Variants in NPAS3 observed in about 807,000 individuals in gnomAD.
The protein encoded by NPAS3 is neuronal PAS domain protein 3, also known as neuronal PAS domain-containing protein 3.
NPAS3 carries 14 observed loss-of-function variants against 73.1 expected under a neutral mutation model. That is an observed-to-expected ratio of 0.19 (90% CI 0.13 to 0.30). NPAS3 has a LOEUF of 0.30. Ranked by LOEUF, NPAS3 falls within the 10% of genes least tolerant of loss-of-function variation. The probability of loss-of-function intolerance (pLI) is 1.00; values close to 1 mark genes in which losing one functional copy is unlikely to be tolerated. For missense variants in NPAS3, 1,096 were observed against 1,250.0 expected, an observed-to-expected ratio of 0.88 and a Z score of 1.86; for synonymous variants, 620 against 541.5, an observed-to-expected ratio of 1.14 and a Z score of -2.01.
intron 4 of NPAS3, among the ~76,000 whole-genome samples, chr14:33,495,226 A>G (rs1419176321): frequency 1.3e-5 from 2 of 151,934 alleles, no homozygotes; most frequent in Non-Finnish European, 2.9e-5. Flanking sequence ...CCTTAATTTC[A>G]TTATTTACCC....
chr14:33,062,332 GTGTT>G (rs2041137190), intron 2 of NPAS3, among the ~76,000 whole-genome samples: 1 of 151,824 alleles, frequency 6.6e-6, no homozygotes, highest in South Asian at 2.1e-4. Context: ...TGAAATTGTG[GTGTT>G]TGTTAGTTTA....
chr14:33,131,057 A>G (rs1236830284), intron 2 of NPAS3, among the ~76,000 whole-genome samples: 1 of 152,168 alleles, frequency 6.6e-6, no homozygotes, highest in African/African-American at 2.4e-5. Flanking sequence ...ATCTGGCCCA[A>G]GTACCTCTTA....
intron 4 of NPAS3, among the ~76,000 whole-genome samples, chr14:33,426,924 A>G (rs534360626): frequency 6.6e-6 from 1 of 152,244 alleles, no homozygotes; most frequent in East Asian, 1.9e-4. Flanking sequence ...ATGCAGGAAA[A>G]TAAGCCAGAG....
chr14:33,774,417 C>T (rs369997049), exon 8 of NPAS3: 27 of 1,614,040 alleles, frequency 1.7e-5, no homozygotes, highest in Admixed American at 8.3e-5. Context: ...TCATGGGTCT[C>T]GTGGTTGTTG....
At chr14:33,049,362 A>T (rs1201204572) in intron 1 of NPAS3, among the ~76,000 whole-genome samples, 1 of 152,188 alleles carries the variant, frequency 6.6e-6, no homozygotes, top group Non-Finnish European at 1.5e-5. Context: ...CATGCTGCTG[A>T]TAAAGACATA....
At chr14:33,041,772 C>G (rs1194287330) in intron 1 of NPAS3, among the ~76,000 whole-genome samples, 1 of 152,038 alleles carries the variant, frequency 6.6e-6, no homozygotes, top group East Asian at 1.9e-4. Context: ...GTTTATATAG[C>G]AGGGAGGAAA....
chr14:33,011,051 C>T (rs561701546), intron 1 of NPAS3, among the ~76,000 whole-genome samples: 1 of 151,620 alleles, frequency 6.6e-6, no homozygotes, highest in African/African-American at 2.4e-5. Context: ...TGAGTAATGG[C>T]AGTTACTGTG....
intron 3 of NPAS3, among the ~76,000 whole-genome samples, chr14:33,343,177 G>A (rs935522231): frequency 1.3e-5 from 2 of 152,086 alleles, no homozygotes; most frequent in Non-Finnish European, 2.9e-5. Flanking sequence ...ACATCCCTAG[G>A]ATGTGTTTTG....
chr14:33,755,585 G>A (rs369951290), intron 7 of NPAS3, among the ~76,000 whole-genome samples: 9 of 152,270 alleles, frequency 5.9e-5, no homozygotes, highest in African/African-American at 2.2e-4. Flanking sequence ...ACTCTAGACC[G>A]GGTGGGCGTG....
At chr14:33,042,783 C>A (rs960181367) in intron 1 of NPAS3, among the ~76,000 whole-genome samples, 3 of 152,096 alleles carry the variant, frequency 2.0e-5, no homozygotes, top group Non-Finnish European at 2.9e-5. Context: ...TTCAGCTTAA[C>A]CAAGTTAAGA....
intron 2 of NPAS3, among the ~76,000 whole-genome samples, chr14:33,113,098 C>T (rs1417125851): frequency 3.0e-4 from 46 of 152,124 alleles, no homozygotes; most frequent in Non-Finnish European, 3.2e-4. Flanking sequence ...AGTCAGGTAG[C>T]GTGATGCCTC....
intron 1 of NPAS3, among the ~76,000 whole-genome samples, chr14:32,995,664 G>A (rs754600235): frequency 2.0e-5 from 3 of 152,232 alleles, no homozygotes; most frequent in Non-Finnish European, 4.4e-5. Flanking sequence ...AAAAGTGGGA[G>A]TTTCTCTGTA....
chr14:33,169,570 CA>C (rs2045308648), intron 2 of NPAS3, among the ~76,000 whole-genome samples: 1 of 151,938 alleles, frequency 6.6e-6, no homozygotes, highest in African/African-American at 2.4e-5. Flanking sequence ...TCTGTCTCAA[CA>C]AAAAACAAAC....
intron 7 of NPAS3, among the ~76,000 whole-genome samples, chr14:33,754,592 G>A (rs1406169584): frequency 6.6e-6 from 1 of 152,088 alleles, no homozygotes; most frequent in Non-Finnish European, 1.5e-5. Context: ...TGACAGTCCG[G>A]GAATCTGCAT....
At chr14:33,508,426 G>C (rs1385872113) in intron 4 of NPAS3, among the ~76,000 whole-genome samples, 1 of 152,066 alleles carries the variant, frequency 6.6e-6, no homozygotes, top group East Asian at 1.9e-4. Flanking sequence ...GAAGATGTAA[G>C]TTTGAGGAGG....
At chr14:33,290,067 A>T (rs1215959903) in intron 3 of NPAS3, among the ~76,000 whole-genome samples, 1 of 152,182 alleles carries the variant, frequency 6.6e-6, no homozygotes, top group Non-Finnish European at 1.5e-5. Context: ...GGCCAGTCCC[A>T]TCAGGAAAAT....
At chr14:33,622,911 G>A (rs532729453) in intron 5 of NPAS3, among the ~76,000 whole-genome samples, 54 of 152,288 alleles carry the variant, frequency 3.5e-4, no homozygotes, top group Non-Finnish European at 6.3e-4. Flanking sequence ...TATGTTTGGT[G>A]AGATACAAAG....
chr14:33,281,251 T>A, intron 3 of NPAS3, among the ~76,000 whole-genome samples: 1 of 152,244 alleles, frequency 6.6e-6, no homozygotes, highest in East Asian at 1.9e-4. Context: ...GTAGATTTCT[T>A]AGATTTCCTG....
chr14:33,635,534 G>T lies in NPAS3; in HGVS notation c.559-40677G>T, dbSNP rs2058490614. 2.0e-5 allele frequency among the ~76,000 whole-genome samples: 3 copies of T among 152,212 alleles called. No individual in the cohort carries two copies. The South Asian group carries it at 6.2e-4, about 31-fold the overall frequency. On this transcript the variant is annotated intron_variant, in intron 5 of 11. Transcript: ENST00000356141. ...AGAGGCTGCAGACCCAGAGGCTCGA[G>T]CAGGGAGGGTCTTGCTTTGGACAAT...
Sources: allele counts gnomAD v4.1 joint callset (sites outside exome capture counted in the v4.1 genomes callset), GRCh38; gene constraint gnomAD v4.1.1; transcripts MANE v1.5; gene names NCBI Gene and HGNC (gene_info 2026-07-23, HGNC 2026-07-21).